HMGCS1: variants seen among roughly 807,000 people sequenced by gnomAD.
The protein encoded by HMGCS1 is hydroxymethylglutaryl-CoA synthase, cytoplasmic.
Under a neutral mutation model 52.3 loss-of-function variants are expected in HMGCS1, and 9 were observed. The observed-to-expected ratio is 0.17, with a 90% CI of 0.10 to 0.30. The LOEUF (loss-of-function observed/expected upper bound fraction) is 0.30, where lower values mean the gene tolerates loss of function less well. Ranked by LOEUF, HMGCS1 falls within the 10% of genes least tolerant of loss-of-function variation. The probability of loss-of-function intolerance (pLI) is 1.00; values close to 1 mark genes in which losing one functional copy is unlikely to be tolerated. For synonymous variants in HMGCS1, 176 were observed against 214.4 expected, an observed-to-expected ratio of 0.82 and a Z score of 1.57; for missense variants, 320 against 620.9, an observed-to-expected ratio of 0.52 and a Z score of 5.15.
chr5:43,296,213 C>T (rs1211882023), intron 5 of HMGCS1, among the ~76,000 whole-genome samples: 1 of 151,880 alleles, frequency 6.6e-6, no homozygotes, highest in Non-Finnish European at 1.5e-5. Context: ...TTTTAAAAAA[C>T]AAAATGCAGT....
At chr5:43,297,691 T>C (rs1338926441) in intron 4 of HMGCS1, among the ~76,000 whole-genome samples, 1 of 151,338 alleles carries the variant, frequency 6.6e-6, no homozygotes, top group Non-Finnish European at 1.5e-5. Context: ...TACAAAAAAT[T>C]AGCCAGGCAT....
intron 8 of HMGCS1, among the ~76,000 whole-genome samples, 174 bp from the exon 9 acceptor site, chr5:43,293,147 G>T (rs1753860658): frequency 6.6e-6 from 1 of 152,192 alleles, no homozygotes; most frequent in African/African-American, 2.4e-5. Flanking sequence ...CTCCTATGAT[G>T]TCAGACTAGA....
intron 2 of HMGCS1, among the ~76,000 whole-genome samples, chr5:43,304,475 ATATT>A (rs778477270): frequency 2.0e-5 from 3 of 152,236 alleles, no homozygotes; most frequent in Non-Finnish European, 4.4e-5. Context: ...CACTGGCAAT[ATATT>A]TAATTATCCT....
chr5:43,298,324 C>T lies in HMGCS1; in HGVS notation c.449-190G>A. On this transcript the variant is annotated intron_variant, in intron 3 of 10. Coordinates refer to ENST00000325110, the MANE Select transcript of HMGCS1 (RefSeq NM_001098272.3). This position sits in a 1 kb window ranked among gnomAD's most constrained non-coding sequence, Gnocchi z 5.6. ...TCCATCTGACTAAATTTTGAATAGA[C>T]CATTTGTCCTACAAGATAAGATAAC... 2 of 665,852 alleles carry T rather than the reference C, an allele frequency of 3.0e-6. No individual in the cohort carries two copies. The highest frequency in any genetic ancestry group is 2.0e-5 in the South Asian group (1 of 49,214). 41.2% of individuals were successfully genotyped at this position (665,852 alleles called of 1,614,324 possible).
In HMGCS1 at chr5:43,298,904, G is replaced by A. The variant is rs755388590; in HGVS notation, c.62C>T (p.Ala21Val). Reference protein sequence around the residue: ...ACWPKDVGIVALEIYFPSQYV... With the variant: ...ACWPKDVGIVVLEIYFPSQYV... ...TTGAGAAGGAAAATAGATCTCAAGG[G>A]CAACAATTCCCACATCTTTTGGCCA... The change falls in exon 3 of 11, where the codon GCC becomes GTC. Residue 21 changes from alanine to valine, a missense_variant. Ala to Val is a moderately conservative substitution (Grantham distance 64). This residue lies in a region of HMGCS1 where 22 missense variants were observed against 23.5 expected (regional missense o/e 0.94). Coordinates refer to ENST00000325110, the MANE Select transcript of HMGCS1 (RefSeq NM_001098272.3). The surrounding 1 kb of genome is among the most constrained non-coding windows in gnomAD (Gnocchi z 5.6). The A allele has an allele frequency of 6.2e-7, 1 of 1,613,912 alleles. No homozygotes were observed. Among genetic ancestry groups the A allele is most frequent in the Non-Finnish European group, 8.5e-7 (1 of 1,180,026 alleles).
intron 8 of HMGCS1, 59 bp downstream of exon 8, chr5:43,293,997 G>A (rs189829966): frequency 1.8e-6 from 2 of 1,123,858 alleles, no homozygotes; most frequent in Middle Eastern, 1.9e-4. Context: ...TTACGGGTGT[G>A]AGCCACTGTG....
At chr5:43,297,914 A>T in intron 4 of HMGCS1, 95 bp downstream of exon 4, 1 of 1,027,350 alleles carries the variant, frequency 9.7e-7, no homozygotes, top group Non-Finnish European at 1.4e-6. Context: ...ACCTGCATTT[A>T]ATGACCATTA....
rs1753677613 is a variant in HMGCS1, at chr5:43,290,159, A to G, written c.*972T>C. On this transcript the variant is annotated 3_prime_UTR_variant, in exon 11 of 11. Transcript: ENST00000325110. ...CCATGAATTTAGGTTGTCAGCCTCT[A>G]TGTTGAATTTATAACACTGAAGCAT... 1.3e-5 allele frequency: 2 copies of G among 152,580 alleles called. No individual in the cohort carries two copies. The highest frequency in any genetic ancestry group is 4.2e-4 in the South Asian group (2 of 4,818). 9.5% of individuals were successfully genotyped at this position (152,580 alleles called of 1,614,324 possible). A position where few individuals can be genotyped will look rare whatever the true frequency, so the allele number is the denominator to read the frequency against.
intron 2 of HMGCS1, among the ~76,000 whole-genome samples, chr5:43,303,313 G>T (rs1206945765): frequency 6.6e-6 from 1 of 152,226 alleles, no homozygotes; most frequent in Non-Finnish European, 1.5e-5. Context: ...GTTTAGATGA[G>T]GTCATGAGAA....
rs779822737 is a variant in HMGCS1 at position 43,291,153 on chromosome 5, A to G, written c.1541T>C (p.Val514Ala). The G allele has an allele frequency of 1.4e-6, 2 of 1,464,558 alleles. No individual in the cohort carries two copies. The highest frequency in any genetic ancestry group is 2.2e-5 in the South Asian group (2 of 89,016). The allele number at this position is 1,464,558 out of a possible 1,614,324, so 90.7% of individuals were successfully genotyped here. The change falls in exon 11 of 11, where the codon GTC becomes GCC. Residue 514 changes from valine to alanine, a missense_variant. Around this residue, in one of 3 missense-constraint regions of HMGCS1, gnomAD observed 213 missense variants for 337.4 expected, o/e 0.63. Transcript: ENST00000325110. ...ATCTTAATGTTCCCCATTACTAATG[A>G]CAGCTGCTTCAGGTTCTGCTGCTGT... ...PATAAEPEAA[V>A]ISNGEH
At chr5:43,299,649 C>CA (rs1184736539) in intron 2 of HMGCS1, among the ~76,000 whole-genome samples, 179 of 112,084 alleles carry the variant, frequency 1.6e-3, no homozygotes, top group South Asian at 2.9e-3. Flanking sequence ...GACTCCGTCT[C>CA]AAAAAAAAAA....
intron 4 of HMGCS1, among the ~76,000 whole-genome samples, 177 bp downstream of exon 4, chr5:43,297,832 C>T (rs950902844): frequency 2.1e-5 from 3 of 140,654 alleles, no homozygotes; most frequent in African/African-American, 8.2e-5. Flanking sequence ...GAGTGAAACT[C>T]GGTCTCAAAA....
chr5:43,294,396 G>C, intron 7 of HMGCS1: 1 of 516,634 alleles, frequency 1.9e-6, no homozygotes, highest in South Asian at 2.8e-5. Flanking sequence ...TGAAAGTCAT[G>C]CCACAAAACA....
intron 2 of HMGCS1, among the ~76,000 whole-genome samples, chr5:43,307,320 G>A (rs147930314): frequency 7.2e-4 from 109 of 152,008 alleles, no homozygotes; most frequent in African/African-American, 2.3e-3. Flanking sequence ...TGATCCACCC[G>A]CCACAGCCTC....
In HMGCS1 at chr5:43,298,679, G is replaced by A; in HGVS notation, c.287C>T (p.Thr96Ile). Residue 96 changes from threonine (T) to isoleucine (I), a missense_variant, in exon 3 of 11, where the codon ACA (threonine) becomes ATA (isoleucine). By Grantham distance (89) the Thr-to-Ile change is moderately conservative (BLOSUM62 -1). Around this residue, in one of 3 missense-constraint regions of HMGCS1, gnomAD observed 85 missense variants for 260.0 expected, o/e 0.33. Coordinates refer to ENST00000325110, the MANE Select transcript of HMGCS1 (RefSeq NM_001098272.3). The surrounding 1 kb of genome is among the most constrained non-coding windows in gnomAD (Gnocchi z 5.6). ...CACAGACTTTGATTTGTCGATGATT[G>A]TCTCTGTTCCAACTTCCAGCCGCCC... Reference protein sequence around the residue: ...CIGRLEVGTETIIDKSKSVKT... With the variant: ...CIGRLEVGTEIIIDKSKSVKT... 6.2e-7 allele frequency: 1 copy of A among 1,614,192 alleles called. No individual in the cohort carries two copies. Among genetic ancestry groups the A allele is most frequent in the South Asian group, 1.1e-5 (1 of 91,090 alleles).
chr5:43,303,401 T>C (rs1754413969), intron 2 of HMGCS1, among the ~76,000 whole-genome samples: 1 of 152,242 alleles, frequency 6.6e-6, no homozygotes, highest in Non-Finnish European at 1.5e-5. Flanking sequence ...ACTCTCTCTA[T>C]GCCATGTGAG....
At chr5:43,299,965 G>A (rs895605978) in intron 2 of HMGCS1, among the ~76,000 whole-genome samples, 2 of 152,188 alleles carry the variant, frequency 1.3e-5, no homozygotes, top group Non-Finnish European at 2.9e-5. Flanking sequence ...AAGCGGAAAA[G>A]GTGGTTCTCT....
chr5:43,297,855 A>G (rs1754109756), intron 4 of HMGCS1, among the ~76,000 whole-genome samples, 154 bp downstream of exon 4: 1 of 149,296 alleles, frequency 6.7e-6, no homozygotes, highest in African/African-American at 2.5e-5. Context: ...AAAAAAAAAG[A>G]AAAAAAAACA....
chr5:43,304,840 T>C (rs1754483879), intron 2 of HMGCS1, among the ~76,000 whole-genome samples: 1 of 152,236 alleles, frequency 6.6e-6, no homozygotes. Flanking sequence ...CATTATGTTC[T>C]TGGTAAAAAG....
Sources: gnomAD v4.1 joint callset for allele counts (sites outside exome capture counted in the v4.1 genomes callset) on GRCh38, gnomAD v4.1.1 for gene constraint, gnomAD v4.1.1 regional missense constraint, Gnocchi (gnomAD v3.1) non-coding constraint, MANE v1.5 for transcripts, NCBI Gene and HGNC (gene_info 2026-07-23, HGNC 2026-07-21) for gene names.